The following DDX31 variants were observed in gnomAD, a reference collection of about 807,000 sequenced individuals.
DDX31 encodes the protein ATP-dependent DNA helicase DDX31.
Under a neutral mutation model 91.3 loss-of-function variants are expected in DDX31, and 70 were observed. That is an observed-to-expected ratio of 0.77 (90% CI 0.63 to 0.94). The LOEUF (loss-of-function observed/expected upper bound fraction) is 0.94, where lower values mean the gene tolerates loss of function less well. Ranked by LOEUF, DDX31 falls within the 40% of genes least tolerant of loss-of-function variation. The pLI is 0.00. For missense variants in DDX31, 902 were observed against 925.0 expected (o/e 0.98, Z 0.32); for synonymous variants, 362 against 350.6 (o/e 1.03, Z -0.36).
At chr9:132,669,185 G>A (rs408640) in intron 1 of DDX31, among the ~76,000 whole-genome samples, 6 of 152,040 alleles carry the variant, frequency 3.9e-5, no homozygotes, top group Non-Finnish European at 7.4e-5. Flanking sequence ...TTAGGATTGG[G>A]AGGGCCTGGA....
intron 14 of DDX31, chr9:132,637,985 GAACTGCACA>G: frequency 9.7e-7 from 1 of 1,031,210 alleles, no homozygotes; most frequent in Admixed American, 5.2e-5. Flanking sequence ...AGGAAATTAA[GAACTGCACA>G]GACAGAACAG....
chr9:132,599,449 G>C (rs1830613012), intron 19 of DDX31, among the ~76,000 whole-genome samples: 1 of 152,206 alleles, frequency 6.6e-6, no homozygotes, highest in Non-Finnish European at 1.5e-5. Context: ...AAGTCTGAAG[G>C]ATATAGGAAA....
chr9:132,596,287 C>T (rs987807302), intron 19 of DDX31, among the ~76,000 whole-genome samples: 1 of 152,166 alleles, frequency 6.6e-6, no homozygotes, highest in African/African-American at 2.4e-5. Context: ...TGTAGAAACC[C>T]ATTATAAACG....
chr9:132,667,366 C>T (rs1231383518), intron 1 of DDX31, among the ~76,000 whole-genome samples: 4 of 151,630 alleles, frequency 2.6e-5, no homozygotes, highest in South Asian at 2.1e-4. Context: ...TGTGGGAGGC[C>T]GAGGTGGGCA....
intron 14 of DDX31, among the ~76,000 whole-genome samples, chr9:132,633,329 C>T (rs900826410): frequency 3.3e-5 from 5 of 152,154 alleles, no homozygotes; most frequent in African/African-American, 9.7e-5. Flanking sequence ...TGTGCATTTG[C>T]TCTTGACCCA....
chr9:132,602,791 T>C (rs890505679), intron 19 of DDX31, among the ~76,000 whole-genome samples: 3 of 152,218 alleles, frequency 2.0e-5, no homozygotes, highest in Admixed American at 6.5e-5. Context: ...ATTACGAAGA[T>C]ACTCTGACAG....
intron 6 of DDX31, among the ~76,000 whole-genome samples, chr9:132,655,385 C>T (rs961293901): frequency 1.3e-5 from 2 of 152,144 alleles, no homozygotes; most frequent in African/African-American, 4.8e-5. Flanking sequence ...ACAGAACATC[C>T]TGCATAACAA....
At chr9:132,666,008 T>A (rs577754246) in intron 1 of DDX31, among the ~76,000 whole-genome samples, 3 of 152,384 alleles carry the variant, frequency 2.0e-5, no homozygotes, top group East Asian at 3.9e-4. Context: ...ATGTGTATGC[T>A]GGAAACTTAC....
At position 132,647,027 on chromosome 9, in the gene DDX31, A is replaced by G; in HGVS notation, c.999T>C (p.His333=). Residue 333 remains histidine (H), a synonymous_variant, in exon 12 of 20, where the codon CAT becomes CAC. Transcript: ENST00000372159. ...CCAGGACAGAAATACTGACTGGATC[A>G]TGCAAACTGATATCAGCTAGCCGCG... The part of the protein sequence containing the change: ...GVTRLADISL[H]DPVSISVLDK... 6.2e-7 allele frequency: 1 copy of G among 1,614,144 alleles called. No homozygotes were observed. Among genetic ancestry groups the G allele is most frequent in the Non-Finnish European group, 8.5e-7 (1 of 1,180,028 alleles).
chr9:132,635,149 G>C (rs538897906), intron 14 of DDX31, among the ~76,000 whole-genome samples: 5 of 152,114 alleles, frequency 3.3e-5, no homozygotes, highest in Non-Finnish European at 7.4e-5. Context: ...GTTCCATGTC[G>C]GGAAACACAC....
chr9:132,616,165 G>A (rs1185689034), intron 18 of DDX31, among the ~76,000 whole-genome samples: 1 of 152,210 alleles, frequency 6.6e-6, no homozygotes, highest in Non-Finnish European at 1.5e-5. Flanking sequence ...GAATGGTGGC[G>A]AGACTTATGT....
intron 19 of DDX31, among the ~76,000 whole-genome samples, chr9:132,608,543 G>A (rs1039587569): frequency 2.0e-5 from 3 of 152,130 alleles, no homozygotes; most frequent in Admixed American, 6.5e-5. Flanking sequence ...ACCCGCCTGA[G>A]CTCCCGCTTG....
chr9:132,600,439 G>A lies in DDX31; in HGVS notation c.1995-5327C>T, dbSNP rs1564273017. On this transcript the variant is annotated intron_variant, in intron 19 of 19. Coordinates refer to ENST00000372159, the MANE Select transcript of DDX31 (RefSeq NM_022779.9). ...GTGGACACAGAGGCTGGTGAAAAGTGGACTTCAGCTTTGTGCCAAAGATCA... is the reference window on the plus strand; with the variant it reads ...GTGGACACAGAGGCTGGTGAAAAGTAGACTTCAGCTTTGTGCCAAAGATCA... 3.9e-5 allele frequency among the ~76,000 whole-genome samples: 6 copies of A among 152,282 alleles called. No individual in the cohort carries two copies. The South Asian group carries it at 1.2e-3, about 32-fold the overall frequency.
At chr9:132,609,023 C>G (rs1363362825) in intron 19 of DDX31, among the ~76,000 whole-genome samples, 1 of 152,214 alleles carries the variant, frequency 6.6e-6, no homozygotes, top group African/African-American at 2.4e-5. Flanking sequence ...ACTACTGTAT[C>G]CTCGAGTGCC....
At chr9:132,619,486 C>G (rs1232562777) in intron 17 of DDX31, among the ~76,000 whole-genome samples, 1 of 152,192 alleles carries the variant, frequency 6.6e-6, no homozygotes, top group Non-Finnish European at 1.5e-5. Flanking sequence ...ACTAAGACTC[C>G]CTGAGCCTCT....
At chr9:132,612,927 T>C (rs967185838) in intron 18 of DDX31, among the ~76,000 whole-genome samples, 1 of 152,178 alleles carries the variant, frequency 6.6e-6, no homozygotes, top group Non-Finnish European at 1.5e-5. Context: ...TAAAATTTTT[T>C]AAAGAGATGG....
intron 17 of DDX31, among the ~76,000 whole-genome samples, 198 bp downstream of exon 17, chr9:132,625,466 T>A (rs1322949504): frequency 6.6e-6 from 1 of 151,000 alleles, no homozygotes; most frequent in Non-Finnish European, 1.5e-5. Flanking sequence ...ACTCGCTAGA[T>A]GAGAGTGGCA....
At chr9:132,620,057 T>C (rs777170290) in intron 17 of DDX31, among the ~76,000 whole-genome samples, 12 of 152,134 alleles carry the variant, frequency 7.9e-5, no homozygotes, top group East Asian at 1.9e-4. Context: ...CAAAGCAATA[T>C]TGAAAGCCGG....
intron 19 of DDX31, among the ~76,000 whole-genome samples, chr9:132,604,634 A>G (rs1349248920): frequency 2.0e-5 from 3 of 152,060 alleles, no homozygotes; most frequent in African/African-American, 4.8e-5. Context: ...CTCACTCTTC[A>G]TAATTTTAGA....
Sources: gnomAD v4.1 joint callset for allele counts (sites outside exome capture counted in the v4.1 genomes callset) on GRCh38, gnomAD v4.1.1 for gene constraint, MANE v1.5 for transcripts, NCBI Gene and HGNC (gene_info 2026-07-23, HGNC 2026-07-21) for gene names.